The following COL23A1 variants were observed in gnomAD, a reference collection of about 807,000 sequenced individuals.
COL23A1 encodes the protein collagen alpha-1(XXIII) chain.
COL23A1 carries 97 observed loss-of-function variants against 99.3 expected under a neutral mutation model. That is an observed-to-expected ratio of 0.98 (90% CI 0.83 to 1.16). The LOEUF (loss-of-function observed/expected upper bound fraction) is 1.16, where lower values mean the gene tolerates loss of function less well. COL23A1 is among the 50% of genes most tolerant of loss of function. The probability of loss-of-function intolerance (pLI) is 0.00; values close to 1 mark genes in which losing one functional copy is unlikely to be tolerated. For missense variants in COL23A1, 762 were observed against 757.4 expected, an observed-to-expected ratio of 1.01 and a Z score of -0.07; for synonymous variants, 320 against 308.2, an observed-to-expected ratio of 1.04 and a Z score of -0.40.
intron 2 of COL23A1, among the ~76,000 whole-genome samples, chr5:178,518,543 CG>C (rs1759716657): frequency 9.8e-6 from 1 of 102,334 alleles, no homozygotes; most frequent in Non-Finnish European, 1.9e-5. Context: ...ACTTCTCAGA[CG>C]GGGCGGCCGG....
intron 1 of COL23A1, among the ~76,000 whole-genome samples, chr5:178,576,569 A>C (rs1763371403): frequency 6.6e-6 from 1 of 152,102 alleles, no homozygotes; most frequent in African/African-American, 2.4e-5. Context: ...ACGGCTTCTC[A>C]GAACCCGCCC....
intron 2 of COL23A1, among the ~76,000 whole-genome samples, chr5:178,522,871 C>T (rs996602997): frequency 6.6e-6 from 1 of 152,098 alleles, no homozygotes; most frequent in African/African-American, 2.4e-5. Flanking sequence ...GAAGATCCAC[C>T]TTGATGCTAT....
At chr5:178,275,651 G>A (rs1364370635) in intron 5 of COL23A1, among the ~76,000 whole-genome samples, 2 of 152,124 alleles carry the variant, frequency 1.3e-5, no homozygotes, top group African/African-American at 4.8e-5. Context: ...TTCTCTTACA[G>A]GGTCATGGTT....
At chr5:178,464,551 T>A (rs1756310209) in intron 2 of COL23A1, among the ~76,000 whole-genome samples, 1 of 152,190 alleles carries the variant, frequency 6.6e-6, no homozygotes, top group Non-Finnish European at 1.5e-5. Context: ...TACAAGCACG[T>A]TGCTATTCGT....
chr5:178,440,272 G>T (rs75504343), intron 2 of COL23A1, among the ~76,000 whole-genome samples: 1 of 151,994 alleles, frequency 6.6e-6, no homozygotes, highest in South Asian at 2.1e-4. Context: ...TTGCCTTTCC[G>T]GGACCAACTC....
chr5:178,455,680 C>A (rs956381741), intron 2 of COL23A1, among the ~76,000 whole-genome samples: 2 of 152,264 alleles, frequency 1.3e-5, no homozygotes, highest in Non-Finnish European at 2.9e-5. Context: ...CTCTGCCACG[C>A]GGACGGACCG....
At chr5:178,409,382 G>A (rs1010858966) in intron 2 of COL23A1, among the ~76,000 whole-genome samples, 1 of 152,200 alleles carries the variant, frequency 6.6e-6, no homozygotes, top group Non-Finnish European at 1.5e-5. Flanking sequence ...TTCTTAAAAT[G>A]ACAGATTGGT....
chr5:178,412,654 G>A (rs1451915034), intron 2 of COL23A1, among the ~76,000 whole-genome samples: 1 of 152,070 alleles, frequency 6.6e-6, no homozygotes, highest in Non-Finnish European at 1.5e-5. Context: ...ACATAAAAGT[G>A]CACGTATCAC....
chr5:178,268,863 C>A, intron 6 of COL23A1, 107 bp from the exon 7 acceptor site: 2 of 1,185,840 alleles, frequency 1.7e-6, no homozygotes, highest in South Asian at 3.4e-5. Context: ...TGATGCTGGG[C>A]GGCTGAGTGG....
chr5:178,244,482 T>C (rs1764568920), intron 25 of COL23A1, among the ~76,000 whole-genome samples: 1 of 152,228 alleles, frequency 6.6e-6, no homozygotes, highest in South Asian at 2.1e-4. Context: ...CAGTTCAGCG[T>C]TGACCTAACT....
At chr5:178,361,827 A>G (rs2127704283) in intron 2 of COL23A1, among the ~76,000 whole-genome samples, 1 of 152,168 alleles carries the variant, frequency 6.6e-6, no homozygotes, top group East Asian at 1.9e-4. Context: ...GCTGCAGATG[A>G]GCTAAGTAAG....
At chr5:178,538,892 T>A (rs1357510111) in intron 2 of COL23A1, among the ~76,000 whole-genome samples, 2 of 151,838 alleles carry the variant, frequency 1.3e-5, no homozygotes, top group Non-Finnish European at 2.9e-5. Flanking sequence ...TACTCAGCCA[T>A]AAAAAAAGAA....
intron 2 of COL23A1, among the ~76,000 whole-genome samples, chr5:178,420,716 ACT>A (rs1414096129): frequency 9.2e-6 from 1 of 108,376 alleles, no homozygotes; most frequent in Non-Finnish European, 1.8e-5. Flanking sequence ...CTGAGATGTG[ACT>A]CTGTCCTTCG....
At chr5:178,561,421 C>T (rs1277592444) in intron 1 of COL23A1, among the ~76,000 whole-genome samples, 6 of 152,166 alleles carry the variant, frequency 3.9e-5, no homozygotes, top group Admixed American at 3.3e-4. Flanking sequence ...TACCACAGAA[C>T]GAGGGTCAAA....
rs1170323336 is a variant in COL23A1 at position 178,340,307 on chromosome 5, A to G, written c.362-33388T>C. Reference sequence around the variant, plus strand: ...ATGTGCTCATGTAAGAAAAACAATTATCCAAGAAGCATGTGTCAGAACAGC... The same window carrying G: ...ATGTGCTCATGTAAGAAAAACAATTGTCCAAGAAGCATGTGTCAGAACAGC... On this transcript the variant is annotated intron_variant, in intron 2 of 28. Transcript: ENST00000390654. The surrounding 1 kb of genome is among the most constrained non-coding windows in gnomAD (Gnocchi z 4.7). Among the ~76,000 whole-genome samples the G allele has an allele frequency of 6.6e-6, 1 of 152,242 alleles. No homozygotes were observed.
chr5:178,451,828 C>T (rs1767507110), intron 2 of COL23A1, among the ~76,000 whole-genome samples: 1 of 151,860 alleles, frequency 6.6e-6, no homozygotes, highest in Non-Finnish European at 1.5e-5. Context: ...ATAATATCTA[C>T]ATGAAAGAAA....
intron 2 of COL23A1, among the ~76,000 whole-genome samples, chr5:178,413,722 G>A (rs977543968): frequency 2.0e-5 from 3 of 152,240 alleles, no homozygotes; most frequent in African/African-American, 7.2e-5. Context: ...GGTCTCATTA[G>A]CCTATGTGGG....
chr5:178,551,952 C>T (rs1762023658), intron 2 of COL23A1, among the ~76,000 whole-genome samples: 1 of 152,156 alleles, frequency 6.6e-6, no homozygotes, highest in African/African-American at 2.4e-5. Context: ...CAAGAGTTCC[C>T]ACCGGTGCTC....
rs1758616530 is a variant in COL23A1 at position 178,310,560 on chromosome 5, C to T, written c.362-3641G>A. On this transcript the variant is annotated intron_variant, in intron 2 of 28. Transcript: ENST00000390654. This position sits in a 1 kb window ranked among gnomAD's most constrained non-coding sequence, Gnocchi z 4.3. ...ACCTAAGGCTGTGTTGCTAGAGCCTCCTGGAGCCCTTCATAGTCTGTGGCT... is the reference window on the plus strand; with the variant it reads ...ACCTAAGGCTGTGTTGCTAGAGCCTTCTGGAGCCCTTCATAGTCTGTGGCT... Among the ~76,000 whole-genome samples, 1 of 152,230 alleles carries T rather than the reference C, an allele frequency of 6.6e-6. No homozygotes were observed. Among genetic ancestry groups the T allele is most frequent in the Non-Finnish European group, 1.5e-5 (1 of 68,042 alleles).
Sources: gnomAD v4.1 joint callset for allele counts (sites outside exome capture counted in the v4.1 genomes callset) on GRCh38, gnomAD v4.1.1 for gene constraint, Gnocchi (gnomAD v3.1) non-coding constraint, MANE v1.5 for transcripts, NCBI Gene and HGNC (gene_info 2026-07-23, HGNC 2026-07-21) for gene names.